The following PAPPA2 variants were observed in gnomAD, a reference collection of about 807,000 sequenced individuals.
PAPPA2 encodes pappalysin 2, also known as pappalysin-2.
Under a neutral mutation model 176.4 loss-of-function variants are expected in PAPPA2, and 86 were observed. That is an observed-to-expected ratio of 0.49 (90% CI 0.41 to 0.58). PAPPA2 has a LOEUF of 0.58. Ranked by LOEUF, PAPPA2 falls within the 20% of genes least tolerant of loss-of-function variation. PAPPA2 has a pLI of 0.00. For synonymous variants in PAPPA2, 809 were observed against 852.2 expected (o/e 0.95, Z 0.88); for missense variants, 2,073 against 2,256.9 (o/e 0.92, Z 1.65).
rs550709108 is a variant in PAPPA2, at chr1:176,599,109, C to G, written c.1991+3514C>G. 4.6e-5 allele frequency among the ~76,000 whole-genome samples: 7 copies of G among 151,722 alleles called. No individual in the cohort carries two copies. In the East Asian group the frequency reaches 1.2e-3, roughly 25 times the overall value. On this transcript the variant is annotated intron_variant, in intron 3 of 22. Transcript: ENST00000367662. ...GAAATTCATTAATTACTTCTAGCTT[C>G]TGTTCTGATAATTGTGTGTATTTTT...
At chr1:176,681,933 G>A (rs1573244149) in intron 4 of PAPPA2, among the ~76,000 whole-genome samples, 1 of 152,276 alleles carries the variant, frequency 6.6e-6, no homozygotes, top group South Asian at 2.1e-4. Flanking sequence ...CTCTCACAGG[G>A]TTGGTACGGG....
intron 9 of PAPPA2, among the ~76,000 whole-genome samples, chr1:176,705,614 T>G (rs1660848591): frequency 6.6e-6 from 1 of 152,224 alleles, no homozygotes; most frequent in Admixed American, 6.5e-5. Flanking sequence ...TTATTTTGTT[T>G]CCATGAATTA....
At chr1:176,505,685 G>T (rs1304798355) in intron 1 of PAPPA2, among the ~76,000 whole-genome samples, 1 of 151,840 alleles carries the variant, frequency 6.6e-6, no homozygotes, top group Non-Finnish European at 1.5e-5. Flanking sequence ...CAAAAAGCCT[G>T]AATAGCCTTT....
At position 176,711,925 on chromosome 1, in the gene PAPPA2, G is replaced by A; in HGVS notation, c.3742G>A (p.Asp1248Asn). ...TGCCAGTGAAAATGAAACTCAGGATGACAGGAGTGAACAGCCAGAAGGTAG... is the reference window on the plus strand; with the variant it reads ...TGCCAGTGAAAATGAAACTCAGGATAACAGGAGTGAACAGCCAGAAGGTAG... ...CVASENETQD[D>N]RSEQPEGSLK... The change falls in exon 12 of 23, where the codon GAC (aspartate) becomes AAC (asparagine). Residue 1248 changes from aspartate (D) to asparagine (N), a missense_variant. This residue lies in a region of PAPPA2 where 846 missense variants were observed against 857.9 expected (regional missense o/e 0.99). Coordinates refer to ENST00000367662, the MANE Select transcript of PAPPA2 (RefSeq NM_020318.3). 6.2e-7 allele frequency: 1 copy of A among 1,613,854 alleles called. No individual in the cohort carries two copies.
chr1:176,694,675 T>G (rs1558524885), intron 6 of PAPPA2, among the ~76,000 whole-genome samples: 1 of 152,230 alleles, frequency 6.6e-6, no homozygotes, highest in East Asian at 1.9e-4. Flanking sequence ...ACCATTATTA[T>G]GTAGCTATTA....
chr1:176,677,190 G>A (rs1456283763), intron 4 of PAPPA2, among the ~76,000 whole-genome samples: 4 of 152,230 alleles, frequency 2.6e-5, no homozygotes, highest in South Asian at 4.1e-4. Context: ...CTGGCATAAC[G>A]TGATAGAGGA....
At chr1:176,495,856 C>A (rs1393906473) in intron 1 of PAPPA2, among the ~76,000 whole-genome samples, 1 of 151,360 alleles carries the variant, frequency 6.6e-6, no homozygotes, top group Non-Finnish European at 1.5e-5. Flanking sequence ...CAGCCTCAAA[C>A]TCCTGGGCTC....
intron 14 of PAPPA2, among the ~76,000 whole-genome samples, chr1:176,742,983 A>T (rs576912502): frequency 1.3e-5 from 2 of 152,144 alleles, no homozygotes; most frequent in Non-Finnish European, 2.9e-5. Flanking sequence ...TGGCCCACAG[A>T]ATCTCAGATG....
At chr1:176,674,982 G>T (rs927187664) in intron 4 of PAPPA2, among the ~76,000 whole-genome samples, 2 of 151,890 alleles carry the variant, frequency 1.3e-5, no homozygotes, top group African/African-American at 2.4e-5. Context: ...TTTCTTGCAG[G>T]AGTAATGTGG....
At chr1:176,508,808 C>T (rs891730299) in intron 1 of PAPPA2, among the ~76,000 whole-genome samples, 1 of 151,944 alleles carries the variant, frequency 6.6e-6, no homozygotes, top group African/African-American at 2.4e-5. Flanking sequence ...TCCCCCTTCA[C>T]CCTCTCCCTC....
At chr1:176,607,920 G>C (rs1654705250) in intron 3 of PAPPA2, among the ~76,000 whole-genome samples, 2 of 152,076 alleles carry the variant, frequency 1.3e-5, no homozygotes, top group Non-Finnish European at 2.9e-5. Flanking sequence ...TGGATATGCT[G>C]TTTTTATTTT....
At chr1:176,526,924 G>A (rs1196809481) in intron 1 of PAPPA2, among the ~76,000 whole-genome samples, 1 of 152,154 alleles carries the variant, frequency 6.6e-6, no homozygotes, top group Non-Finnish European at 1.5e-5. Context: ...AAGGTATCTG[G>A]CAATGGTGCT....
At chr1:176,530,898 A>AT (rs1352530928) in intron 1 of PAPPA2, among the ~76,000 whole-genome samples, 6 of 152,136 alleles carry the variant, frequency 3.9e-5, no homozygotes, top group African/African-American at 9.7e-5. Flanking sequence ...AAATTTATGC[A>AT]TTTTTTCTTT....
At chr1:176,721,278 GA>G (rs1184558008) in intron 12 of PAPPA2, among the ~76,000 whole-genome samples, 1 of 152,140 alleles carries the variant, frequency 6.6e-6, no homozygotes, top group African/African-American at 2.4e-5. Context: ...ATTTTATAAT[GA>G]ATAAGATACC....
chr1:176,480,609 C>A (rs930547884), intron 1 of PAPPA2, among the ~76,000 whole-genome samples: 7 of 152,166 alleles, frequency 4.6e-5, no homozygotes, highest in Admixed American at 2.0e-4. Context: ...GAGCTGTCTG[C>A]TGGGCAAGGT....
chr1:176,810,613 C>T (rs750576909), intron 21 of PAPPA2, among the ~76,000 whole-genome samples: 4 of 152,112 alleles, frequency 2.6e-5, no homozygotes, highest in Non-Finnish European at 4.4e-5. Flanking sequence ...CTGTGTGGCC[C>T]GGTTCTAACA....
chr1:176,465,574 A>G (rs1166946897), intron 1 of PAPPA2, among the ~76,000 whole-genome samples: 2 of 152,064 alleles, frequency 1.3e-5, no homozygotes, highest in Non-Finnish European at 1.5e-5. Context: ...TATTTAATAC[A>G]AAGTTACCTT....
chr1:176,468,427 T>A (rs952279672), intron 1 of PAPPA2, among the ~76,000 whole-genome samples: 3 of 152,142 alleles, frequency 2.0e-5, no homozygotes, highest in Admixed American at 1.3e-4. Context: ...CTGAGCAAAT[T>A]CACATTGCCA....
intron 2 of PAPPA2, among the ~76,000 whole-genome samples, chr1:176,582,290 A>G (rs1558451717): frequency 6.6e-6 from 1 of 152,208 alleles, no homozygotes; most frequent in Admixed American, 6.5e-5. Flanking sequence ...CTTCTTTCCA[A>G]TTTGGATGCC....
Sources: allele counts gnomAD v4.1 joint callset (sites outside exome capture counted in the v4.1 genomes callset), GRCh38; gene constraint gnomAD v4.1.1; regional missense constraint gnomAD v4.1.1; transcripts MANE v1.5; gene names NCBI Gene and HGNC (gene_info 2026-07-23, HGNC 2026-07-21).